KIAA1958: variants seen among roughly 807,000 people sequenced by gnomAD.
KIAA1958 encodes the protein uncharacterized protein KIAA1958.
KIAA1958 carries 14 observed loss-of-function variants against 47.2 expected under a neutral mutation model. That is an observed-to-expected ratio of 0.30 (90% CI 0.20 to 0.46). The LOEUF (loss-of-function observed/expected upper bound fraction) is 0.46. KIAA1958 is among the 20% of genes least tolerant of loss of function. The pLI is 1.00. For synonymous variants in KIAA1958, 354 were observed against 353.3 expected, an observed-to-expected ratio of 1.00 and a Z score of -0.02; for missense variants, 803 against 909.2, an observed-to-expected ratio of 0.88 and a Z score of 1.50.
intron 2 of KIAA1958, among the ~76,000 whole-genome samples, chr9:112,581,529 C>T (rs1342492233): frequency 6.6e-6 from 1 of 152,120 alleles, no homozygotes; most frequent in Non-Finnish European, 1.5e-5. Flanking sequence ...TGTGTCTGCC[C>T]AGCCTCCCCC....
chr9:112,500,143 C>T (rs1379478659), intron 1 of KIAA1958, among the ~76,000 whole-genome samples: 2 of 151,964 alleles, frequency 1.3e-5, no homozygotes, highest in Admixed American at 6.6e-5. Flanking sequence ...GCTCTGTCGC[C>T]GAGCCTGGAG....
At chr9:112,503,310 A>G (rs1177097799) in intron 1 of KIAA1958, among the ~76,000 whole-genome samples, 1 of 152,138 alleles carries the variant, frequency 6.6e-6, no homozygotes, top group Non-Finnish European at 1.5e-5. Flanking sequence ...GGGAACGGCA[A>G]GCACAAAGGG....
At chr9:112,641,452 T>C (rs1481936459) in intron 2 of KIAA1958, among the ~76,000 whole-genome samples, 2 of 150,996 alleles carry the variant, frequency 1.3e-5, no homozygotes, top group African/African-American at 4.9e-5. Flanking sequence ...GAAAAGATTG[T>C]AGAGTTTTTT....
chr9:112,535,571 G>A (rs902420979), intron 1 of KIAA1958, among the ~76,000 whole-genome samples: 7 of 152,056 alleles, frequency 4.6e-5, no homozygotes, highest in African/African-American at 1.4e-4. Context: ...CTGACATACT[G>A]ATTTCATTTC....
chr9:112,573,092 C>T (rs1344692187), intron 1 of KIAA1958, among the ~76,000 whole-genome samples: 1 of 152,186 alleles, frequency 6.6e-6, no homozygotes, highest in Non-Finnish European at 1.5e-5. Flanking sequence ...TTTCCAGCCC[C>T]TTGCAGACTC....
chr9:112,541,863 A>G (rs760538514), intron 1 of KIAA1958, among the ~76,000 whole-genome samples: 9 of 152,222 alleles, frequency 5.9e-5, no homozygotes, highest in Non-Finnish European at 1.3e-4. Flanking sequence ...GATCTGAGAA[A>G]TACTGGGACA....
intron 1 of KIAA1958, among the ~76,000 whole-genome samples, chr9:112,563,335 G>C (rs781405529): frequency 6.6e-6 from 1 of 152,046 alleles, no homozygotes; most frequent in Non-Finnish European, 1.5e-5. Context: ...CAAACCTAAT[G>C]ATTTTGACTC....
intron 3 of KIAA1958, among the ~76,000 whole-genome samples, chr9:112,655,052 A>T (rs1837126396): frequency 6.6e-6 from 1 of 152,188 alleles, no homozygotes; most frequent in Non-Finnish European, 1.5e-5. Flanking sequence ...TATAAGAAAG[A>T]TTTGAATATT....
chr9:112,489,350 G>C (rs554184120), intron 1 of KIAA1958, among the ~76,000 whole-genome samples: 13 of 152,286 alleles, frequency 8.5e-5, no homozygotes, highest in African/African-American at 2.9e-4. Context: ...GCTAAGCATC[G>C]AGTGTGGCCT....
rs1426363044 is a variant in KIAA1958 at position 112,645,802 on chromosome 9, G to T, written c.1324G>T (p.Asp442Tyr). 22 of 1,612,972 alleles carry T rather than the reference G, an allele frequency of 1.4e-5. No individual in the cohort carries two copies. Among genetic ancestry groups the T allele is most frequent in the Non-Finnish European group, 1.7e-5 (20 of 1,179,696 alleles). Residue 442 changes from aspartate (D) to tyrosine (Y), a missense_variant, in exon 3 of 4, where the codon GAC becomes TAC. Around this residue, in one of 2 missense-constraint regions of KIAA1958, gnomAD observed 761 missense variants for 829.3 expected, o/e 0.92. Transcript: ENST00000337530. ...RYWCMTNGLK[D>Y]HTDITKIPAV... is the part of the protein sequence containing the mutation. ...TTGGTGCATGACCAACGGGCTCAAA[G>T]ACCACACAGACATCACCAAGGTAAG...
chr9:112,501,921 C>CA (rs948526589), intron 1 of KIAA1958, among the ~76,000 whole-genome samples: 5 of 152,032 alleles, frequency 3.3e-5, no homozygotes, highest in Non-Finnish European at 5.9e-5. Context: ...TCACAATTTA[C>CA]AAAAAAATAA....
intron 2 of KIAA1958, among the ~76,000 whole-genome samples, chr9:112,589,964 T>TA (rs1224423018): frequency 2.6e-5 from 4 of 152,226 alleles, no homozygotes; most frequent in Non-Finnish European, 4.4e-5. Flanking sequence ...ATCCACTTGT[T>TA]ACTGCCACCC....
intron 2 of KIAA1958, among the ~76,000 whole-genome samples, chr9:112,643,899 CG>C (rs1412655107): frequency 1.3e-5 from 2 of 152,030 alleles, no homozygotes; most frequent in African/African-American, 4.8e-5. Flanking sequence ...ATGTGAAGGC[CG>C]GGTGCGGTGG....
chr9:112,610,421 ATAAAG>A (rs1656119159), intron 2 of KIAA1958, among the ~76,000 whole-genome samples: 1 of 151,986 alleles, frequency 6.6e-6, no homozygotes, highest in African/African-American at 2.4e-5. Context: ...CAAAACACGA[ATAAAG>A]TAAACTGGTA....
rs145813879 is a variant in KIAA1958, at chr9:112,574,424, G to C, written c.344G>C (p.Arg115Pro). Residue 115 changes from arginine (R) to proline (P), a missense_variant, in exon 2 of 4, where the codon CGG (arginine) becomes CCG (proline). Physicochemically the swap from Arg to Pro is moderately radical, Grantham distance 103. Around this residue, in one of 2 missense-constraint regions of KIAA1958, gnomAD observed 761 missense variants for 829.3 expected, o/e 0.92. Transcript: ENST00000337530. ...GTGAAAGCAAAGCTAGACTGTAACC[G>C]GACCAGAGACTCTTGTGACTTCTCC... is the stretch of plus-strand genomic sequence containing the variant. The part of the protein sequence containing the change: ...RPVKAKLDCN[R>P]TRDSCDFSYC... 1 of 1,614,026 alleles carries C rather than the reference G, an allele frequency of 6.2e-7. No individual in the cohort carries two copies. The highest frequency in any genetic ancestry group is 1.1e-5 in the South Asian group (1 of 91,074).
At chr9:112,571,814 C>A (rs996616534) in intron 1 of KIAA1958, among the ~76,000 whole-genome samples, 14 of 138,004 alleles carry the variant, frequency 1.0e-4, no homozygotes, top group East Asian at 6.2e-4. Context: ...TAAATAAAAA[C>A]AAAAAATAAA....
At chr9:112,652,522 T>C (rs933301403) in intron 3 of KIAA1958, among the ~76,000 whole-genome samples, 1 of 152,248 alleles carries the variant, frequency 6.6e-6, no homozygotes, top group African/African-American at 2.4e-5. Flanking sequence ...TTGAGACTTG[T>C]AATGTTCTGT....
intron 2 of KIAA1958, among the ~76,000 whole-genome samples, chr9:112,630,066 A>AT (rs1239744945): frequency 6.6e-6 from 1 of 152,248 alleles, no homozygotes; most frequent in African/African-American, 2.4e-5. Context: ...GCCCATGTGC[A>AT]GTGTTTCTCA....
At chr9:112,493,948 A>G (rs1277565607) in intron 1 of KIAA1958, among the ~76,000 whole-genome samples, 1 of 152,196 alleles carries the variant, frequency 6.6e-6, no homozygotes, top group Non-Finnish European at 1.5e-5. Context: ...TAACTGTGCC[A>G]TTGCATTGCA....
Sources: gnomAD v4.1 joint callset for allele counts (sites outside exome capture counted in the v4.1 genomes callset) on GRCh38, gnomAD v4.1.1 for gene constraint, gnomAD v4.1.1 regional missense constraint, MANE v1.5 for transcripts, NCBI Gene and HGNC (gene_info 2026-07-23, HGNC 2026-07-21) for gene names.